The following BCAS3 variants were observed in gnomAD, a reference collection of about 807,000 sequenced individuals.
The protein encoded by BCAS3 is BCAS4/BCAS3 fusion.
Under a neutral mutation model 116.1 loss-of-function variants are expected in BCAS3, and 53 were observed. The observed-to-expected ratio is 0.46, with a 90% CI of 0.37 to 0.57. The LOEUF is 0.57. Among genes scored for constraint, BCAS3 ranks in the 20% least tolerant of loss-of-function variants. The pLI is 0.00. For synonymous variants in BCAS3, 391 were observed against 408.2 expected (o/e 0.96, Z 0.51); for missense variants, 917 against 1,165.4 (o/e 0.79, Z 3.10).
intron 5 of BCAS3, among the ~76,000 whole-genome samples, chr17:60,724,420 C>CAAAA (rs748461644): frequency 0.021 from 831 of 39,758 alleles, 42 homozygotes; most frequent in African/African-American, 0.075. Context: ...GAGACTGTCT[C>CAAAA]AAAAAAAAAA....
chr17:61,045,223 C>T (rs964183596), intron 19 of BCAS3, among the ~76,000 whole-genome samples: 3 of 151,862 alleles, frequency 2.0e-5, no homozygotes, highest in African/African-American at 7.2e-5. Context: ...CAGTGGACTA[C>T]CTGGCCTGGG....
In BCAS3 at chr17:61,122,693, A is replaced by T. The variant is rs528857989; in HGVS notation, c.2425+38129A>T. 6.6e-6 allele frequency among the ~76,000 whole-genome samples: 1 copy of T among 152,344 alleles called. No homozygotes were observed. The highest frequency in any genetic ancestry group is 2.1e-4 in the South Asian group (1 of 4,830). ...ATCATATACATTTCCTTAAACTCAC[A>T]TGCTGAATTTTCCCACATAGACAAA... On this transcript the variant is annotated intron_variant, in intron 22 of 23. Coordinates refer to ENST00000407086, the MANE Select transcript of BCAS3 (RefSeq NM_017679.5). The surrounding 1 kb of genome is among the most constrained non-coding windows in gnomAD (Gnocchi z 4.6).
chr17:60,694,403 A>C (rs2035299871), intron 4 of BCAS3, among the ~76,000 whole-genome samples: 1 of 151,944 alleles, frequency 6.6e-6, no homozygotes, highest in South Asian at 2.1e-4. Context: ...TGGGAGGCTG[A>C]GGCAGGAGAA....
rs533702646 is a variant in BCAS3 at position 61,364,902 on chromosome 17, G to A, written c.2426-3425G>A. ...CATAAATGGGGGATAGTACCTCTAC[G>A]ACCTCTCAGGATCATTATGATAGTC... On this transcript the variant is annotated intron_variant, in intron 22 of 23. Transcript: ENST00000407086. This position sits in a 1 kb window ranked among gnomAD's most constrained non-coding sequence, Gnocchi z 5.4. Among the ~76,000 whole-genome samples the A allele has an allele frequency of 1.3e-5, 2 of 152,234 alleles. No homozygotes were observed. The highest frequency in any genetic ancestry group is 2.1e-4 in the South Asian group (1 of 4,822).
At position 61,004,570 on chromosome 17, in the gene BCAS3, C is replaced by T. The variant is rs1163681800; in HGVS notation, c.1487-11181C>T. On this transcript the variant is annotated intron_variant, in intron 15 of 23. Transcript: ENST00000407086. The surrounding 1 kb of genome is among the most constrained non-coding windows in gnomAD (Gnocchi z 4.8). ...AAATCTGCTAGTTGATAGTTGTAAA[C>T]TACAAAAGGACAACAAGACAGGGAT... 6.6e-6 allele frequency among the ~76,000 whole-genome samples: 1 copy of T among 151,788 alleles called. No individual in the cohort carries two copies. The highest frequency in any genetic ancestry group is 1.5e-5 in the Non-Finnish European group (1 of 67,952).
chr17:61,240,819 T>C (rs2144500170), intron 22 of BCAS3, among the ~76,000 whole-genome samples: 1 of 152,364 alleles, frequency 6.6e-6, no homozygotes, highest in Middle Eastern at 3.4e-3. Context: ...TTCTTTTAAA[T>C]TGATCTCAGA....
chr17:61,344,973 C>T lies in BCAS3; in HGVS notation c.2426-23354C>T, dbSNP rs1387529406. On this transcript the variant is annotated intron_variant, in intron 22 of 23. Transcript: ENST00000407086. The surrounding 1 kb of genome is among the most constrained non-coding windows in gnomAD (Gnocchi z 4.1). The stretch of plus-strand genomic sequence containing the variant: ...CGCACACCCCTCACAGAAAAATAGC[C>T]ACTCTGTCCCTTCTCATGCGGAGGA... Among the ~76,000 whole-genome samples, 1 of 152,108 alleles carries T rather than the reference C, an allele frequency of 6.6e-6. No individual in the cohort carries two copies. Among genetic ancestry groups the T allele is most frequent in the African/African-American group, 2.4e-5 (1 of 41,394 alleles).
chr17:61,351,919 C>T (rs192809815), intron 22 of BCAS3, among the ~76,000 whole-genome samples: 6 of 152,334 alleles, frequency 3.9e-5, no homozygotes, highest in Admixed American at 1.3e-4. Flanking sequence ...ACATACAGCT[C>T]GTCTCTAGGC....
chr17:61,364,778 A>G lies in BCAS3; in HGVS notation c.2426-3549A>G, dbSNP rs1020904536. ...GGGAAACAGTGTGTGAGCTGACAGAATGAGCTCCAAGCTAAGAATTAGAAA... is the reference window on the plus strand; with the variant it reads ...GGGAAACAGTGTGTGAGCTGACAGAGTGAGCTCCAAGCTAAGAATTAGAAA... On this transcript the variant is annotated intron_variant, in intron 22 of 23. Coordinates refer to ENST00000407086, the MANE Select transcript of BCAS3 (RefSeq NM_017679.5). The surrounding 1 kb of genome is among the most constrained non-coding windows in gnomAD (Gnocchi z 5.4). Among the ~76,000 whole-genome samples the G allele has an allele frequency of 6.6e-6, 1 of 152,060 alleles. No individual in the cohort carries two copies. Among genetic ancestry groups the G allele is most frequent in the Non-Finnish European group, 1.5e-5 (1 of 67,954 alleles).
At chr17:61,210,542 G>C (rs912062790) in intron 22 of BCAS3, among the ~76,000 whole-genome samples, 2 of 152,234 alleles carry the variant, frequency 1.3e-5, no homozygotes, top group Non-Finnish European at 2.9e-5. Flanking sequence ...TAGTGGGTAA[G>C]AGTAAGATAA....
rs2050775098 is a variant in BCAS3, at chr17:61,276,573, G to A, written c.2426-91754G>A. Among the ~76,000 whole-genome samples the A allele has an allele frequency of 6.6e-6, 1 of 152,178 alleles. No individual in the cohort carries two copies. The highest frequency in any genetic ancestry group is 1.5e-5 in the Non-Finnish European group (1 of 68,032). ...AATGGAAAGATACTCCATGTTTATAGATCAGAAGACAAAATTGTTAAGACG... is the reference window on the plus strand; with the variant it reads ...AATGGAAAGATACTCCATGTTTATAAATCAGAAGACAAAATTGTTAAGACG... On this transcript the variant is annotated intron_variant, in intron 22 of 23. Transcript: ENST00000407086. The surrounding 1 kb of genome is among the most constrained non-coding windows in gnomAD (Gnocchi z 4.2).
chr17:60,831,470 C>T (rs1349286311), intron 7 of BCAS3, among the ~76,000 whole-genome samples: 1 of 152,246 alleles, frequency 6.6e-6, no homozygotes, highest in Non-Finnish European at 1.5e-5. Context: ...AGCCACTGCA[C>T]CGACCTATGT....
chr17:61,099,300 A>G (rs2143649533), intron 22 of BCAS3, among the ~76,000 whole-genome samples: 1 of 152,262 alleles, frequency 6.6e-6, no homozygotes. Flanking sequence ...GATAATCAAT[A>G]TTTCTTGATA....
chr17:60,736,905 C>T (rs534027542), intron 5 of BCAS3, among the ~76,000 whole-genome samples: 4 of 140,788 alleles, frequency 2.8e-5, no homozygotes, highest in Non-Finnish European at 6.1e-5. Context: ...TCCCTTCCTC[C>T]CTTCCTCCCT....
At chr17:60,781,647 C>T (rs1161816797) in intron 6 of BCAS3, among the ~76,000 whole-genome samples, 1 of 151,214 alleles carries the variant, frequency 6.6e-6, no homozygotes, top group African/African-American at 2.5e-5. Context: ...CTTATACTTA[C>T]TCAGATCACA....
At position 61,381,964 on chromosome 17, in the gene BCAS3, G is replaced by A. The variant is rs533828569; in HGVS notation, c.2594-10013G>A. 1.3e-5 allele frequency among the ~76,000 whole-genome samples: 2 copies of A among 152,120 alleles called. No homozygotes were observed. Among genetic ancestry groups the A allele is most frequent in the Non-Finnish European group, 2.9e-5 (2 of 68,036 alleles). ...TGGTCTCTGGGTAGCAGCCACAGCC[G>A]CAATAAGTCATTAACTTTCAGGACA... On this transcript the variant is annotated intron_variant, in intron 23 of 23. Transcript: ENST00000407086. The surrounding 1 kb of genome is among the most constrained non-coding windows in gnomAD (Gnocchi z 6.0).
At chr17:60,716,735 T>C (rs909527964) in intron 5 of BCAS3, among the ~76,000 whole-genome samples, 3 of 151,680 alleles carry the variant, frequency 2.0e-5, no homozygotes, top group African/African-American at 7.3e-5. Context: ...ATAATAATAA[T>C]ATTGAGATAA....
intron 6 of BCAS3, among the ~76,000 whole-genome samples, chr17:60,790,345 G>A (rs752935967): frequency 1.1e-4 from 17 of 152,116 alleles, no homozygotes; most frequent in Non-Finnish European, 2.5e-4. Flanking sequence ...CATAATACAG[G>A]TACAAACTGT....
intron 22 of BCAS3, among the ~76,000 whole-genome samples, chr17:61,360,681 C>T (rs2058406555): frequency 6.6e-6 from 1 of 152,192 alleles, no homozygotes; most frequent in African/African-American, 2.4e-5. Context: ...TTAGGACCCA[C>T]CCTAAACCCA....
Sources: gnomAD v4.1 joint callset for allele counts (sites outside exome capture counted in the v4.1 genomes callset) on GRCh38, gnomAD v4.1.1 for gene constraint, Gnocchi (gnomAD v3.1) non-coding constraint, MANE v1.5 for transcripts, NCBI Gene and HGNC (gene_info 2026-07-23, HGNC 2026-07-21) for gene names.